XPR1: variants seen among roughly 807,000 people sequenced by gnomAD.
The protein encoded by XPR1 is solute carrier family 53 member 1.
In XPR1, 28 loss-of-function variants were observed where a neutral mutation model predicts 87.5. The observed-to-expected ratio is 0.32, with a 90% CI of 0.24 to 0.44. XPR1 has a LOEUF of 0.44. Among genes scored for constraint, XPR1 ranks in the 20% least tolerant of loss-of-function variants. The pLI, the probability that XPR1 is intolerant of heterozygous loss-of-function variation, is 1.00. For missense variants in XPR1, 559 were observed against 862.3 expected, an observed-to-expected ratio of 0.65 and a Z score of 4.41; for synonymous variants, 300 against 306.1, an observed-to-expected ratio of 0.98 and a Z score of 0.21.
At chr1:180,744,792 A>T (rs1305385773) in intron 2 of XPR1, among the ~76,000 whole-genome samples, 7 of 151,812 alleles carry the variant, frequency 4.6e-5, no homozygotes, top group Non-Finnish European at 1.0e-4. Context: ...CTGGGATTAC[A>T]GGCACATACC....
intron 2 of XPR1, among the ~76,000 whole-genome samples, chr1:180,772,764 C>CT (rs1648567855): frequency 6.6e-6 from 1 of 152,222 alleles, no homozygotes; most frequent in African/African-American, 2.4e-5. Flanking sequence ...TCCTCCTTGC[C>CT]TTTCACCATG....
At chr1:180,748,382 C>T (rs900099247) in intron 2 of XPR1, among the ~76,000 whole-genome samples, 1 of 114,682 alleles carries the variant, frequency 8.7e-6, no homozygotes, top group Admixed American at 9.2e-5. Context: ...TTTTGCTACT[C>T]TGTGTTATTA....
chr1:180,757,214 ATAAG>A (rs1187629372), intron 2 of XPR1, among the ~76,000 whole-genome samples: 1 of 152,212 alleles, frequency 6.6e-6, no homozygotes, highest in Non-Finnish European at 1.5e-5. Flanking sequence ...CATTTCAACA[ATAAG>A]TAAGAAAGTA....
chr1:180,774,384 C>CTTTTTTTTTTTTTTTTTTTTTTT (rs71121051), intron 2 of XPR1, among the ~76,000 whole-genome samples: 1 of 68,900 alleles, frequency 1.5e-5, no homozygotes, highest in Non-Finnish European at 2.7e-5. Flanking sequence ...TCTTTCCTAT[C>CTTTTTTTTTTTTTTTTTTTTTTT]TTTTTTTTTT....
At chr1:180,665,586 C>T (rs547839007) in intron 1 of XPR1, among the ~76,000 whole-genome samples, 188 of 152,320 alleles carry the variant, frequency 1.2e-3, no homozygotes, top group Middle Eastern at 6.8e-3. Context: ...TAGGGCTGGA[C>T]TAAATGCTCC....
At chr1:180,762,959 A>G (rs1339613830) in intron 2 of XPR1, among the ~76,000 whole-genome samples, 1 of 152,078 alleles carries the variant, frequency 6.6e-6, no homozygotes, top group Non-Finnish European at 1.5e-5. Flanking sequence ...CACCAGCGAC[A>G]TTTTTTCTGA....
At chr1:180,747,046 G>T (rs1647286092) in intron 2 of XPR1, among the ~76,000 whole-genome samples, 1 of 151,970 alleles carries the variant, frequency 6.6e-6, no homozygotes, top group South Asian at 2.1e-4. Flanking sequence ...GTGGTCTTTT[G>T]TTCATAATCA....
intron 2 of XPR1, among the ~76,000 whole-genome samples, chr1:180,697,528 T>C (rs2101966072): frequency 6.6e-6 from 1 of 152,256 alleles, no homozygotes; most frequent in South Asian, 2.1e-4. Flanking sequence ...TTCTAGTTCA[T>C]TGAGGTGTAT....
intron 10 of XPR1, among the ~76,000 whole-genome samples, chr1:180,836,179 T>G (rs10753225): frequency 6.6e-6 from 1 of 151,698 alleles, no homozygotes; most frequent in Non-Finnish European, 1.5e-5. Flanking sequence ...GGCAACATGG[T>G]GAAACCCCAT....
intron 11 of XPR1, among the ~76,000 whole-genome samples, chr1:180,845,808 G>A (rs774523045): frequency 1.3e-5 from 2 of 152,062 alleles, no homozygotes; most frequent in Non-Finnish European, 2.9e-5. Context: ...ATGTGGACTC[G>A]GCCAAAATAC....
intron 2 of XPR1, among the ~76,000 whole-genome samples, chr1:180,752,435 T>C (rs1207507688): frequency 9.2e-5 from 14 of 152,212 alleles, no homozygotes; most frequent in African/African-American, 3.4e-4. Flanking sequence ...TCCCTATTTT[T>C]ATCTGTATCT....
chr1:180,803,720 C>T, intron 4 of XPR1, 109 bp downstream of exon 4: 1 of 882,784 alleles, frequency 1.1e-6, no homozygotes, highest in Non-Finnish European at 1.7e-6. Flanking sequence ...AAAGGAAAAT[C>T]CTTAACATGT....
At chr1:180,644,122 A>G (rs1300231508) in intron 1 of XPR1, among the ~76,000 whole-genome samples, 1 of 152,216 alleles carries the variant, frequency 6.6e-6, no homozygotes, top group Non-Finnish European at 1.5e-5. Flanking sequence ...AATGTACCTA[A>G]TGTTCACATT....
intron 2 of XPR1, among the ~76,000 whole-genome samples, chr1:180,688,770 T>C (rs1438404182): frequency 6.6e-6 from 1 of 152,214 alleles, no homozygotes; most frequent in African/African-American, 2.4e-5. Flanking sequence ...ATCTTTTACC[T>C]TTTCTCATGC....
chr1:180,889,856 G>C lies in XPR1; in HGVS notation c.*5790G>C, dbSNP rs1653132888. The C allele has an allele frequency of 6.6e-6, 1 of 152,190 alleles. No individual in the cohort carries two copies. The highest frequency in any genetic ancestry group is 6.5e-5 in the Admixed American group (1 of 15,268). The allele number at this position is 152,190 out of a possible 1,614,324, so 9.4% of individuals were successfully genotyped here. ...AAATGATACTATTCTATGAAACCCTGAGCTATAGTTGTCAAAAGTAACTAT... is the reference window on the plus strand; with the variant it reads ...AAATGATACTATTCTATGAAACCCTCAGCTATAGTTGTCAAAAGTAACTAT... On this transcript the variant is annotated 3_prime_UTR_variant, in exon 15 of 15. Coordinates refer to ENST00000367590, the MANE Select transcript of XPR1 (RefSeq NM_004736.4).
chr1:180,843,970 T>C (rs780342113), intron 11 of XPR1, among the ~76,000 whole-genome samples: 4 of 152,154 alleles, frequency 2.6e-5, no homozygotes, highest in Admixed American at 6.5e-5. Context: ...CCCAGCACTT[T>C]GGGAGGCTGA....
Position 180,874,971 on chromosome 1 carries a change from C to T in XPR1, c.1808+1029C>T, listed in dbSNP as rs150242399. Among the ~76,000 whole-genome samples the T allele has an allele frequency of 3.5e-3, 527 of 152,216 alleles. 5 individuals carry two copies. Among genetic ancestry groups the T allele is most frequent in the South Asian group, 0.015 (72 of 4,830 alleles). On this transcript the variant is annotated intron_variant, in intron 13 of 14. Transcript: ENST00000367590. ...ATTTCCTTCAGTGATAGATAAATAA[C>T]GGGTCAGTTAATTAATTAAACCTGA...
intron 1 of XPR1, among the ~76,000 whole-genome samples, chr1:180,676,588 G>C (rs1391865542): frequency 6.6e-6 from 1 of 152,048 alleles, no homozygotes; most frequent in Non-Finnish European, 1.5e-5. Flanking sequence ...ACTTGTAGAG[G>C]ACTTTAATAT....
intron 9 of XPR1, among the ~76,000 whole-genome samples, chr1:180,828,827 TTAACAC>T (rs1416677089): frequency 5.3e-5 from 8 of 152,194 alleles, no homozygotes; most frequent in Admixed American, 5.2e-4. Context: ...ACACTAACAT[TTAACAC>T]TTAGCCCTAT....
Sources: gnomAD v4.1 joint callset for allele counts (sites outside exome capture counted in the v4.1 genomes callset) on GRCh38, gnomAD v4.1.1 for gene constraint, MANE v1.5 for transcripts, NCBI Gene and HGNC (gene_info 2026-07-23, HGNC 2026-07-21) for gene names.